KYNU: variants seen among roughly 807,000 people sequenced by gnomAD.
KYNU encodes the protein kynureninase.
KYNU carries 54 observed loss-of-function variants against 59.2 expected under a neutral mutation model. The observed-to-expected ratio is 0.91, with a 90% CI of 0.73 to 1.14. The LOEUF (loss-of-function observed/expected upper bound fraction) is 1.14, where lower values mean the gene tolerates loss of function less well. Ranked by LOEUF, KYNU falls within the 50% of genes most tolerant of loss-of-function variation. KYNU has a pLI of 0.00. For missense variants in KYNU, 567 were observed against 554.4 expected (o/e 1.02, Z -0.23); for synonymous variants, 177 against 192.0 (o/e 0.92, Z 0.65).
intron 2 of KYNU, among the ~76,000 whole-genome samples, chr2:142,908,849 T>C (rs1682386227): frequency 6.6e-6 from 1 of 152,158 alleles, no homozygotes. Context: ...TTAGCCAGGA[T>C]GGTCTTGATC....
chr2:142,988,201 G>A (rs1464598692), intron 10 of KYNU, among the ~76,000 whole-genome samples: 2 of 151,864 alleles, frequency 1.3e-5, no homozygotes, highest in African/African-American at 4.8e-5. Context: ...GTGACATTCT[G>A]TAACACCCTA....
chr2:142,989,827 A>G (rs571633459), intron 10 of KYNU: 4 of 152,016 alleles, frequency 2.6e-5, no homozygotes, highest in African/African-American at 7.2e-5. Context: ...ATCCCCAGAT[A>G]TATAACATTG....
intron 5 of KYNU, 90 bp from the exon 6 acceptor site, chr2:142,956,113 C>A: frequency 1.4e-6 from 1 of 736,586 alleles, no homozygotes; most frequent in South Asian, 1.6e-5. Context: ...CTTTAAAATA[C>A]TGGAGATTAT....
rs1687203199 is a variant in KYNU at position 143,048,329 on chromosome 2, T to A, written c.*6157T>A. 1 of 152,192 alleles carries A rather than the reference T, an allele frequency of 6.6e-6. No homozygotes were observed. The highest frequency in any genetic ancestry group is 1.5e-5 in the Non-Finnish European group (1 of 68,036). The allele number at this position is 152,192 out of a possible 1,614,324, so 9.4% of individuals were successfully genotyped here. On this transcript the variant is annotated 3_prime_UTR_variant, in exon 14 of 14. Transcript: ENST00000264170. ...CATGCAAATATAATGAAGTTTAGAATTAGCCATTTTTTATAACTCTCCTTC... is the reference window on the plus strand; with the variant it reads ...CATGCAAATATAATGAAGTTTAGAAATAGCCATTTTTTATAACTCTCCTTC...
intron 12 of KYNU, among the ~76,000 whole-genome samples, chr2:143,035,699 C>A (rs1425654255): frequency 2.0e-5 from 3 of 152,184 alleles, no homozygotes; most frequent in Non-Finnish European, 4.4e-5. Flanking sequence ...TCAAGTGATC[C>A]TCCTGCCCCC....
intron 4 of KYNU, among the ~76,000 whole-genome samples, chr2:142,930,941 G>A (rs1683189887): frequency 6.6e-6 from 1 of 152,182 alleles, no homozygotes; most frequent in Non-Finnish European, 1.5e-5. Context: ...CAGGCGGGCT[G>A]AGGCCTAAAA....
chr2:142,937,563 C>A (rs1683433531), intron 4 of KYNU, among the ~76,000 whole-genome samples: 1 of 151,886 alleles, frequency 6.6e-6, no homozygotes, highest in Admixed American at 6.6e-5. Flanking sequence ...AGTCAGGCAG[C>A]CTCTCAAGCC....
intron 1 of KYNU, among the ~76,000 whole-genome samples, chr2:142,884,626 C>G (rs1681426164): frequency 6.7e-6 from 1 of 150,078 alleles, no homozygotes; most frequent in South Asian, 2.1e-4. Flanking sequence ...CTGTCCTGAG[C>G]ACTATTATCT....
At chr2:142,999,798 G>A (rs1685658841) in intron 10 of KYNU, among the ~76,000 whole-genome samples, 1 of 152,000 alleles carries the variant, frequency 6.6e-6, no homozygotes, top group Non-Finnish European at 1.5e-5. Flanking sequence ...TTCACAAGGG[G>A]TATGGGTAAA....
chr2:142,909,386 T>C (rs1682407897), intron 2 of KYNU, among the ~76,000 whole-genome samples: 1 of 152,204 alleles, frequency 6.6e-6, no homozygotes, highest in Admixed American at 6.5e-5. Context: ...TCATGGGATA[T>C]ATGTGCAAGT....
At position 142,947,113 on chromosome 2, in the gene KYNU, C is replaced by G. The variant is rs1426624388; in HGVS notation, c.374-7697C>G. 4 of 1,550,938 alleles carry G rather than the reference C, an allele frequency of 2.6e-6. No individual in the cohort carries two copies. In the African/African-American group the frequency reaches 4.1e-5, roughly 16 times the overall value. On this transcript the variant is annotated intron_variant, in intron 4 of 13. Transcript: ENST00000264170. ...TCCTTTTGTTGCTTTTTTCAGCCACCCTTACAGACCCCCAACACAATCAAC... is the reference window on the plus strand; with the variant it reads ...TCCTTTTGTTGCTTTTTTCAGCCACGCTTACAGACCCCCAACACAATCAAC...
At chr2:142,920,376 T>C (rs1428544094) in intron 3 of KYNU, among the ~76,000 whole-genome samples, 21 of 152,214 alleles carry the variant, frequency 1.4e-4, no homozygotes, top group Non-Finnish European at 1.0e-4. Context: ...GATAATTAGA[T>C]TGAATGAATT....
At chr2:143,041,730 CAT>C in intron 13 of KYNU, among the ~76,000 whole-genome samples, 1 of 151,626 alleles carries the variant, frequency 6.6e-6, no homozygotes, top group African/African-American at 2.4e-5. Context: ...CCAGTCCTTC[CAT>C]GGGGTCCCCA....
At chr2:142,960,584 TA>T in intron 7 of KYNU, 39 bp from the exon 8 acceptor site, 1 of 1,574,434 alleles carries the variant, frequency 6.4e-7, no homozygotes, top group Non-Finnish European at 8.7e-7. Flanking sequence ...ACAAATTTAT[TA>T]TTATCGATAT....
intron 2 of KYNU, among the ~76,000 whole-genome samples, chr2:142,906,216 C>G (rs751173543): frequency 6.6e-6 from 1 of 152,206 alleles, no homozygotes; most frequent in Non-Finnish European, 1.5e-5. Flanking sequence ...TTAGTTTACT[C>G]AATTTGCTTT....
Position 142,885,472 on chromosome 2 carries a change from G to A in KYNU, c.105G>A (p.Glu35=). The part of the protein sequence containing the change: ...TDERVALHLD[E]EDKLRHFREC... ...AGAGGGTGGCTCTCCACCTAGATGAGGAAGATAAGCTGAGGCACTTCAGGG... is the reference window on the plus strand; with the variant it reads ...AGAGGGTGGCTCTCCACCTAGATGAAGAAGATAAGCTGAGGCACTTCAGGG... Residue 35 remains glutamate, a synonymous_variant, in exon 2 of 14, where the codon GAG becomes GAA. Coordinates refer to ENST00000264170, the MANE Select transcript of KYNU (RefSeq NM_003937.3). 4.3e-6 allele frequency: 7 copies of A among 1,614,062 alleles called. No individual in the cohort carries two copies. The highest frequency in any genetic ancestry group is 5.9e-6 in the Non-Finnish European group (7 of 1,180,012).
chr2:142,879,306 T>C (rs1359834315), intron 1 of KYNU, among the ~76,000 whole-genome samples: 1 of 152,116 alleles, frequency 6.6e-6, no homozygotes, highest in Admixed American at 6.5e-5. Flanking sequence ...GTGCAGTCAT[T>C]TGGAAGACTA....
In KYNU at chr2:143,011,130, A is replaced by G. The variant is rs965897459; in HGVS notation, c.903-18497A>G. On this transcript the variant is annotated intron_variant, in intron 10 of 13. Coordinates refer to ENST00000264170, the MANE Select transcript of KYNU (RefSeq NM_003937.3). The stretch of plus-strand genomic sequence containing the variant: ...TACCATCAGAGTGAACAGGCAACCT[A>G]CAAAATGGGAGACAATTTTTGCAAC... 1.8e-4 allele frequency among the ~76,000 whole-genome samples: 26 copies of G among 146,128 alleles called. 3 individuals carry two copies. The highest frequency in any genetic ancestry group is 3.4e-4 in the Non-Finnish European group (23 of 67,032).
At chr2:142,935,099 G>A (rs1683343269) in intron 4 of KYNU, among the ~76,000 whole-genome samples, 1 of 152,224 alleles carries the variant, frequency 6.6e-6, no homozygotes, top group African/African-American at 2.4e-5. Context: ...AGGTCTCCAT[G>A]TGGGGTTTGA....
Sources: allele counts gnomAD v4.1 joint callset (sites outside exome capture counted in the v4.1 genomes callset), GRCh38; gene constraint gnomAD v4.1.1; transcripts MANE v1.5; gene names NCBI Gene and HGNC (gene_info 2026-07-23, HGNC 2026-07-21).